NEMP2: variants seen among roughly 807,000 people sequenced by gnomAD.
NEMP2 encodes the protein UPF0571 transmembrane protein.
In NEMP2, 53 loss-of-function variants were observed where a neutral mutation model predicts 54.2. That is an observed-to-expected ratio of 0.98 (90% CI 0.78 to 1.23). The LOEUF is 1.23. Ranked by LOEUF, NEMP2 falls within the 50% of genes most tolerant of loss-of-function variation. The pLI is 0.00. For missense variants in NEMP2, 455 were observed against 511.3 expected (o/e 0.89, Z 1.06); for synonymous variants, 197 against 190.3 (o/e 1.04, Z -0.29).
the NEMP2 span, among the ~76,000 whole-genome samples, chr2:190,496,668 ATGTG>A: frequency 7.9e-5 from 12 of 151,684 alleles, no homozygotes; most frequent in East Asian, 1.7e-3. This position sits in a 1 kb window ranked among gnomAD's most constrained non-coding sequence, Gnocchi z 4.7. Context: ...ATGTGTGTGT[ATGTG>A]TGTGTGTATA....
chr2:190,428,943 G>C, the NEMP2 span, among the ~76,000 whole-genome samples: 1 of 152,102 alleles, frequency 6.6e-6, no homozygotes, highest in Admixed American at 6.6e-5. Flanking sequence ...AAAGTGCTGG[G>C]ATTACAGGTG....
At chr2:190,558,171 A>G in the NEMP2 span, among the ~76,000 whole-genome samples, 1 of 152,248 alleles carries the variant, frequency 6.6e-6, no homozygotes, top group Non-Finnish European at 1.5e-5. This position sits in a 1 kb window ranked among gnomAD's most constrained non-coding sequence, Gnocchi z 4.4. Context: ...TGTCCTTTGC[A>G]GGGACATGGA....
chr2:190,443,906 G>T, the NEMP2 span, among the ~76,000 whole-genome samples: 1 of 152,228 alleles, frequency 6.6e-6, no homozygotes, highest in Admixed American at 6.5e-5. The surrounding 1 kb of genome is among the most constrained non-coding windows in gnomAD (Gnocchi z 4.2). Flanking sequence ...AATAACATTA[G>T]CTGGGCATGG....
At chr2:190,490,527 C>A in the NEMP2 span, among the ~76,000 whole-genome samples, 1 of 151,530 alleles carries the variant, frequency 6.6e-6, no homozygotes, top group African/African-American at 2.4e-5. The surrounding 1 kb of genome is among the most constrained non-coding windows in gnomAD (Gnocchi z 4.5). Context: ...AGCACCACTG[C>A]AGTCCAGCCT....
At chr2:190,456,421 C>G in the NEMP2 span, among the ~76,000 whole-genome samples, 1 of 152,206 alleles carries the variant, frequency 6.6e-6, no homozygotes, top group South Asian at 2.1e-4. The surrounding 1 kb of genome is among the most constrained non-coding windows in gnomAD (Gnocchi z 5.4). Context: ...GGCTCAGACT[C>G]TTCGTTGTGA....
rs1412146940 is a variant in NEMP2 at position 190,514,487 on chromosome 2, G to GCAGA, written c.915_918dup (p.His307SerfsTer39). The GCAGA allele has an allele frequency of 1.3e-6, 2 of 1,551,532 alleles. No homozygotes were observed. Among genetic ancestry groups the GCAGA allele is most frequent in the South Asian group, 2.4e-5 (2 of 84,038 alleles). On this transcript the variant is annotated frameshift_variant, in exon 7 of 9. Coordinates refer to ENST00000409150, the MANE Select transcript of NEMP2 (RefSeq NM_001142645.2). LOFTEE classifies it high-confidence loss of function. The surrounding 1 kb of genome is among the most constrained non-coding windows in gnomAD (Gnocchi z 5.7). ...TAACTGCATGCTCTCAGTGGGTAGT[G>GCAGA]CAGACTCCAGGAGGACATGAGGAGG...
At chr2:190,641,890 C>T in the NEMP2 span, among the ~76,000 whole-genome samples, 4 of 152,142 alleles carry the variant, frequency 2.6e-5, no homozygotes, top group Admixed American at 2.0e-4. Context: ...AGGCTCTAAT[C>T]CTTAAAAAAT....
chr2:190,512,402 A>G lies in NEMP2; in HGVS notation c.954-1865T>C, dbSNP rs371498895. 5.9e-5 allele frequency among the ~76,000 whole-genome samples: 9 copies of G among 152,374 alleles called. 2 individuals are homozygous for G. Among genetic ancestry groups the G allele is most frequent in the South Asian group, 2.1e-4 (1 of 4,832 alleles). ...AGTAGTTACCATATACTATTAAAAT[A>G]TAAGTAAACAGCTCTTTGCAACTAG... On this transcript the variant is annotated intron_variant, in intron 7 of 8. Transcript: ENST00000409150. This position sits in a 1 kb window ranked among gnomAD's most constrained non-coding sequence, Gnocchi z 4.5.
chr2:190,599,584 T>C, the NEMP2 span, among the ~76,000 whole-genome samples: 2 of 152,250 alleles, frequency 1.3e-5, no homozygotes, highest in African/African-American at 4.8e-5. Context: ...ATTTTAACTA[T>C]AATTTTTACT....
the NEMP2 span, chr2:190,477,446 T>C: frequency 1.2e-6 from 1 of 827,750 alleles, no homozygotes; most frequent in East Asian, 1.2e-4. Context: ...TTTATCCTTT[T>C]AGTTTAAAAT....
the NEMP2 span, among the ~76,000 whole-genome samples, chr2:190,439,410 G>A: frequency 1.3e-5 from 2 of 151,878 alleles, no homozygotes; most frequent in African/African-American, 2.4e-5. The surrounding 1 kb of genome is among the most constrained non-coding windows in gnomAD (Gnocchi z 5.8). Flanking sequence ...GGGTACACGT[G>A]CACAACGTGC....
At chr2:190,631,930 T>A in the NEMP2 span, among the ~76,000 whole-genome samples, 1 of 151,990 alleles carries the variant, frequency 6.6e-6, no homozygotes, top group African/African-American at 2.4e-5. Flanking sequence ...GTGGCACGCA[T>A]CTGTAGTTCC....
At chr2:190,648,346 C>T in the NEMP2 span, 1 of 152,346 alleles carries the variant, frequency 6.6e-6, no homozygotes, top group South Asian at 2.1e-4. Context: ...GAGATGCTCT[C>T]CCAGCCGCCG....
upstream of NEMP2, among the ~76,000 whole-genome samples, chr2:190,539,112 G>C (rs1691467598): frequency 2.0e-5 from 3 of 152,226 alleles, no homozygotes; most frequent in Non-Finnish European, 1.5e-5. This position sits in a 1 kb window ranked among gnomAD's most constrained non-coding sequence, Gnocchi z 4.1. Context: ...AATTCATCTT[G>C]AGTTGATGTT....
the NEMP2 span, among the ~76,000 whole-genome samples, chr2:190,576,632 CG>C: frequency 2.7e-3 from 162 of 59,136 alleles, no homozygotes; most frequent in Middle Eastern, 8.3e-3. Flanking sequence ...CGGGGTGGGG[CG>C]GGGGGGGATC....
the NEMP2 span, among the ~76,000 whole-genome samples, chr2:190,425,473 T>C: frequency 3.1e-3 from 471 of 152,316 alleles, 2 homozygotes; most frequent in African/African-American, 0.011. This position sits in a 1 kb window ranked among gnomAD's most constrained non-coding sequence, Gnocchi z 4.3. Flanking sequence ...TGGGTTTCCG[T>C]AGGTGATCTT....
rs1452680782 is a variant in NEMP2, at chr2:190,522,239, G to A, written c.213+3024C>T. Among the ~76,000 whole-genome samples the A allele has an allele frequency of 1.3e-5, 2 of 152,096 alleles. No individual in the cohort carries two copies. Among genetic ancestry groups the A allele is most frequent in the East Asian group, 3.9e-4 (2 of 5,190 alleles). On this transcript the variant is annotated intron_variant, in intron 2 of 8. Coordinates refer to ENST00000409150, the MANE Select transcript of NEMP2 (RefSeq NM_001142645.2). The surrounding 1 kb of genome is among the most constrained non-coding windows in gnomAD (Gnocchi z 5.0). ...GGGACTTCAGAAGGTGGTTGGGAGA[G>A]GGGCAAGGGTTGAAAATCTACTGAT...
At chr2:190,469,923 C>A in the NEMP2 span, 2 of 1,091,622 alleles carry the variant, frequency 1.8e-6, no homozygotes, top group Non-Finnish European at 2.7e-6. The surrounding 1 kb of genome is among the most constrained non-coding windows in gnomAD (Gnocchi z 5.3). Flanking sequence ...AGCCCAGTGG[C>A]CTTCAGCATC....
At position 190,529,666 on chromosome 2, in the gene NEMP2, T is replaced by G. The variant is rs1172528518; in HGVS notation, c.98-4288A>C. On this transcript the variant is annotated intron_variant, in intron 1 of 8. Transcript: ENST00000409150. The surrounding 1 kb of genome is among the most constrained non-coding windows in gnomAD (Gnocchi z 4.7). ...ACCCCCAGAACTTAAATATTTATCTTTTGTGTGTAGCTTGTGGTTCAAGAG... is the reference window on the plus strand; with the variant it reads ...ACCCCCAGAACTTAAATATTTATCTGTTGTGTGTAGCTTGTGGTTCAAGAG... 3.9e-5 allele frequency among the ~76,000 whole-genome samples: 6 copies of G among 152,208 alleles called. No individual in the cohort carries two copies. The highest frequency in any genetic ancestry group is 7.3e-5 in the Non-Finnish European group (5 of 68,036).
Sources: gnomAD v4.1 joint callset for allele counts (sites outside exome capture counted in the v4.1 genomes callset) on GRCh38, gnomAD v4.1.1 for gene constraint, Gnocchi (gnomAD v3.1) non-coding constraint, MANE v1.5 for transcripts, NCBI Gene and HGNC (gene_info 2026-07-23, HGNC 2026-07-21) for gene names.